EIF3B: variants seen among roughly 807,000 people sequenced by gnomAD.
The protein encoded by EIF3B is eukaryotic translation initiation factor 3 subunit B.
Under a neutral mutation model 104.6 loss-of-function variants are expected in EIF3B, and 10 were observed. The observed-to-expected ratio is 0.10, with a 90% CI of 0.06 to 0.16. The LOEUF (loss-of-function observed/expected upper bound fraction) is 0.16, where lower values mean the gene tolerates loss of function less well. Ranked by LOEUF, EIF3B falls within the 10% of genes least tolerant of loss-of-function variation. The pLI is 1.00. For missense variants in EIF3B, 1,014 were observed against 1,087.9 expected (o/e 0.93, Z 0.96); for synonymous variants, 542 against 417.2 (o/e 1.30, Z -3.65).
intron 6 of EIF3B, among the ~76,000 whole-genome samples, chr7:2,365,513 A>G (rs1217825241): frequency 6.6e-6 from 1 of 152,146 alleles, no homozygotes; most frequent in Non-Finnish European, 1.5e-5. Context: ...TCTGTTACAC[A>G]CTTTGTGTGA....
intron 14 of EIF3B, chr7:2,376,549 T>A: frequency 6.0e-6 from 1 of 168,014 alleles, no homozygotes; most frequent in Non-Finnish European, 1.3e-5. Context: ...TCCGCACAGC[T>A]CACACCCGGC....
intron 9 of EIF3B, among the ~76,000 whole-genome samples, chr7:2,368,785 C>A (rs183324964): frequency 1.1e-4 from 17 of 152,352 alleles, no homozygotes; most frequent in African/African-American, 4.1e-4. Context: ...TTATTTATCG[C>A]AAAACTTGGG....
At chr7:2,360,620 C>G in intron 1 of EIF3B, 90 bp from the exon 2 acceptor site, 1 of 1,058,436 alleles carries the variant, frequency 9.4e-7, no homozygotes, top group Non-Finnish European at 1.3e-6. Flanking sequence ...AATTCATTGT[C>G]TCTTCTTGAA....
Position 2,375,612 on chromosome 7 carries a change from C to G in EIF3B, c.2028+85C>G, listed in dbSNP as rs562820150. The G allele has an allele frequency of 7.6e-4, 1,201 of 1,583,030 alleles. 3 individuals are homozygous for G. Among genetic ancestry groups the G allele is most frequent in the Admixed American group, 2.2e-3 (128 of 58,964 alleles). On this transcript the variant is annotated intron_variant, in intron 14 of 18. Transcript: ENST00000360876. ...GCTGACTCTGGTGCTGTCCTGGGAC[C>G]TCAGGGAAGGGGCACCAAGCCTCTG...
Position 2,370,198 on chromosome 7 carries a change from T to A in EIF3B, c.1614+516T>A, listed in dbSNP as rs142825143. ...TTATCAAAAAATTGCCTGAGTTGGC[T>A]GGGTGTAGTGGCCCATGCCTGTAAT... is the stretch of plus-strand genomic sequence containing the variant. On this transcript the variant is annotated intron_variant, in intron 10 of 18. Coordinates refer to ENST00000360876, the MANE Select transcript of EIF3B (RefSeq NM_001037283.2). Among the ~76,000 whole-genome samples the A allele has an allele frequency of 3.0e-3, 456 of 152,262 alleles. 2 individuals carry two copies. Among genetic ancestry groups the A allele is most frequent in the African/African-American group, 0.01 (433 of 41,568 alleles).
intron 2 of EIF3B, among the ~76,000 whole-genome samples, chr7:2,361,351 A>G (rs1316936996): frequency 6.6e-6 from 1 of 152,228 alleles, no homozygotes; most frequent in African/African-American, 2.4e-5. Flanking sequence ...TGTGTTGGGC[A>G]GTCAGTTGAA....
chr7:2,364,031 G>A (rs573226159), intron 5 of EIF3B, among the ~76,000 whole-genome samples: 1 of 152,354 alleles, frequency 6.6e-6, no homozygotes, highest in Non-Finnish European at 1.5e-5. Context: ...GGAGGCCAAG[G>A]TGGGTGGATC....
rs767303395 is a variant in EIF3B at position 2,372,749 on chromosome 7, T to C, written c.1764T>C (p.Ser588=). Residue 588 remains serine (S), a synonymous_variant, in exon 12 of 19, where the codon TCT becomes TCC. Transcript: ENST00000360876. ...TGCACGGAGAGGCTCCGCGGATATC[T>C]GTGTCTTTCTACCACGTCAAAAACA... ...AVLHGEAPRI[S]VSFYHVKNNG... is the part of the protein sequence containing the mutation. The C allele has an allele frequency of 6.2e-7, 1 of 1,614,180 alleles. No individual in the cohort carries two copies. The highest frequency in any genetic ancestry group is 2.2e-5 in the East Asian group (1 of 44,886).
chr7:2,356,431 C>A (rs975283704), intron 1 of EIF3B, among the ~76,000 whole-genome samples: 2 of 151,834 alleles, frequency 1.3e-5, no homozygotes, highest in African/African-American at 4.8e-5. Context: ...GAAACCCCGT[C>A]TCTACTAAAA....
At chr7:2,368,945 G>A (rs555352008) in intron 9 of EIF3B, among the ~76,000 whole-genome samples, 4 of 152,236 alleles carry the variant, frequency 2.6e-5, no homozygotes, top group Non-Finnish European at 5.9e-5. Flanking sequence ...CACATAGCGT[G>A]TATAAAGATG....
intron 10 of EIF3B, among the ~76,000 whole-genome samples, chr7:2,370,846 CGG>C (rs1194221168): frequency 3.3e-5 from 5 of 152,084 alleles, no homozygotes; most frequent in Admixed American, 6.6e-5. Context: ...GAGGCTGAGG[CGG>C]GGCATCACAA....
In EIF3B at chr7:2,362,744, C is replaced by T. The variant is rs1779806312; in HGVS notation, c.792C>T (p.Asn264=). 1.2e-6 allele frequency: 2 copies of T among 1,614,182 alleles called. No individual in the cohort carries two copies. Among genetic ancestry groups the T allele is most frequent in the Non-Finnish European group, 1.7e-6 (2 of 1,180,044 alleles). ...ACAAGCAGCACACATTCCGGGTCAA[C>T]CTCTTTACGGATTTTGACAAGTGAG... ...KLDKQHTFRV[N]LFTDFDKYMT... Residue 264 remains asparagine, a synonymous_variant, in exon 3 of 19, where the codon AAC becomes AAT. Transcript: ENST00000360876.
intron 6 of EIF3B, among the ~76,000 whole-genome samples, chr7:2,365,309 G>A (rs1038743299): frequency 6.6e-6 from 1 of 152,196 alleles, no homozygotes; most frequent in Non-Finnish European, 1.5e-5. Flanking sequence ...GAAAGGGGCG[G>A]TTGTGGGAGG....
At chr7:2,378,965 G>C (rs1038338777) in intron 16 of EIF3B, 169 bp from the exon 17 acceptor site, 1 of 744,734 alleles carries the variant, frequency 1.3e-6, no homozygotes, top group Non-Finnish European at 2.2e-6. Context: ...CTGCTGCCTT[G>C]TGGGTGGGGG....
intron 5 of EIF3B, 29 bp downstream of exon 5, chr7:2,363,789 G>A (rs746601102): frequency 1.2e-6 from 2 of 1,606,680 alleles, no homozygotes; most frequent in Admixed American, 1.7e-5. Flanking sequence ...TGGGGGCGGG[G>A]ACTCACCTCT....
intron 15 of EIF3B, 127 bp from the exon 16 acceptor site, chr7:2,378,562 G>A (rs1053985455): frequency 3.9e-5 from 29 of 746,808 alleles, no homozygotes; most frequent in South Asian, 1.0e-4. Context: ...AGGAGCATGC[G>A]AGCGCTCCTG....
intron 9 of EIF3B, among the ~76,000 whole-genome samples, chr7:2,367,825 ATTTTTTTTTTTTT>A (rs71026506): frequency 3.3e-4 from 20 of 60,308 alleles, no homozygotes; most frequent in East Asian, 1.2e-3. Flanking sequence ...TTTTTTTAAA[ATTTTTTTTTTTTT>A]TTTTTTTTTT....
intron 4 of EIF3B, 101 bp downstream of exon 4, chr7:2,363,228 G>T (rs926664849): frequency 1.6e-5 from 20 of 1,230,730 alleles, no homozygotes; most frequent in Non-Finnish European, 2.3e-5. Context: ...TGAGGTGGGA[G>T]GATCGCTTAA....
At chr7:2,372,620 G>C (rs1427610590) in intron 11 of EIF3B, 53 bp from the exon 12 acceptor site, 2 of 1,588,908 alleles carry the variant, frequency 1.3e-6, no homozygotes, top group Non-Finnish European at 1.7e-6. Flanking sequence ...CTGATCAAGA[G>C]CACTATGTTC....
Sources: allele counts gnomAD v4.1 joint callset (sites outside exome capture counted in the v4.1 genomes callset), GRCh38; gene constraint gnomAD v4.1.1; transcripts MANE v1.5; gene names NCBI Gene and HGNC (gene_info 2026-07-23, HGNC 2026-07-21).